UGT1A8: variants seen among roughly 807,000 people sequenced by gnomAD.
The protein encoded by UGT1A8 is UDP glucuronosyltransferase family 1 member A8.
A neutral mutation model predicts 45.3 loss-of-function variants in UGT1A8; 39 were observed. The ratio of observed to expected loss-of-function variants is 0.86; its 90% CI spans 0.67 to 1.12. The LOEUF is 1.12. Among genes scored for constraint, UGT1A8 ranks in the 50% most tolerant of loss-of-function variants. UGT1A8 has a pLI of 0.00. For synonymous variants in UGT1A8, 275 were observed against 249.2 expected, an observed-to-expected ratio of 1.10 and a Z score of -0.97; for missense variants, 719 against 664.9, an observed-to-expected ratio of 1.08 and a Z score of -0.90.
At chr2:233,634,267 GAGA>G (rs1559316761) in intron 1 of UGT1A8, among the ~76,000 whole-genome samples, 1 of 152,202 alleles carries the variant, frequency 6.6e-6, no homozygotes. Flanking sequence ...ATGTGGTGCT[GAGA>G]AGAATATATA....
chr2:233,627,903 T>C (rs1309876175), intron 1 of UGT1A8, among the ~76,000 whole-genome samples: 1 of 151,950 alleles, frequency 6.6e-6, no homozygotes, highest in Admixed American at 6.6e-5. Context: ...CCAAACATGA[T>C]GAAAAATACA....
chr2:233,722,721 T>C (rs2077032481), intron 1 of UGT1A8, among the ~76,000 whole-genome samples: 1 of 152,212 alleles, frequency 6.6e-6, no homozygotes, highest in African/African-American at 2.4e-5. Flanking sequence ...TATCAGTTTT[T>C]AAATTTCTCC....
At chr2:233,700,698 TTGAA>T (rs570833581) in intron 1 of UGT1A8, among the ~76,000 whole-genome samples, 4 of 152,222 alleles carry the variant, frequency 2.6e-5, no homozygotes, top group South Asian at 4.2e-4. Context: ...AAACTACACT[TTGAA>T]TGTTTTTTTC....
intron 1 of UGT1A8, among the ~76,000 whole-genome samples, chr2:233,641,582 GTACT>G (rs2073454006): frequency 6.6e-6 from 1 of 152,130 alleles, no homozygotes; most frequent in African/African-American, 2.4e-5. Flanking sequence ...GTATTTCTGT[GTACT>G]TACTATTACC....
At chr2:233,632,354 T>G (rs2073204558) in intron 1 of UGT1A8, among the ~76,000 whole-genome samples, 1 of 152,196 alleles carries the variant, frequency 6.6e-6, no homozygotes, top group South Asian at 2.1e-4. Context: ...TAAAGTAGTT[T>G]TTTCCTATTC....
intron 1 of UGT1A8, chr2:233,760,769 C>A: frequency 3.7e-6 from 6 of 1,614,028 alleles, no homozygotes; most frequent in Non-Finnish European, 5.1e-6. Flanking sequence ...CCCATCGTGG[C>A]CCAGTACCTG....
Position 233,617,695 on chromosome 2 carries a change from C to A in UGT1A8, c.-13C>A. ...TTAGAATCCCAGCTGCTGGCTCGGG[C>A]TGCAGTTCTCTCATGGCTCGCACAG... On this transcript the variant is annotated 5_prime_UTR_variant, in exon 1 of 5. In the 5' UTR this introduces an upstream ATG that the reference lacks. Transcript: ENST00000373450. 6.2e-7 allele frequency: 1 copy of A among 1,606,762 alleles called. No individual in the cohort carries two copies. The highest frequency in any genetic ancestry group is 1.3e-5 in the African/African-American group (1 of 74,894).
intron 1 of UGT1A8, among the ~76,000 whole-genome samples, chr2:233,675,316 A>G (rs1324274633): frequency 1.3e-5 from 2 of 152,172 alleles, no homozygotes; most frequent in Non-Finnish European, 2.9e-5. Context: ...GTGTGTGTTG[A>G]TTAATGATGT....
At chr2:233,642,729 C>A (rs965943066) in intron 1 of UGT1A8, among the ~76,000 whole-genome samples, 1 of 152,302 alleles carries the variant, frequency 6.6e-6, no homozygotes, top group East Asian at 1.9e-4. Flanking sequence ...CTTTAGGGGG[C>A]ACCCCAAGCC....
At chr2:233,730,562 ACACGAAGTT>A (rs963460994) in intron 1 of UGT1A8, among the ~76,000 whole-genome samples, 4 of 152,160 alleles carry the variant, frequency 2.6e-5, no homozygotes, top group Admixed American at 6.5e-5. Context: ...AGAGAATGAC[ACACGAAGTT>A]CAGTTTCCAG....
chr2:233,707,844 T>G lies in UGT1A8; in HGVS notation c.856-59190T>G, dbSNP rs544627573. Among the ~76,000 whole-genome samples, 5 of 152,318 alleles carry G rather than the reference T, an allele frequency of 3.3e-5. No individual in the cohort carries two copies. In the South Asian group the frequency reaches 6.2e-4, roughly 19 times the overall value. ...TCATTAATTTAATAAGATGTAACTA[T>G]TTTTCAGAGTGGTTGTACATATCCC... On this transcript the variant is annotated intron_variant, in intron 1 of 4. Transcript: ENST00000373450.
At chr2:233,693,140 G>C in intron 1 of UGT1A8, 1 of 1,614,230 alleles carries the variant, frequency 6.2e-7, no homozygotes, top group Non-Finnish European at 8.5e-7. Flanking sequence ...GAAGGATATA[G>C]TTGAGGTTCT....
chr2:233,692,987 A>T, intron 1 of UGT1A8: 1 of 1,613,680 alleles, frequency 6.2e-7, no homozygotes, highest in South Asian at 1.1e-5. Flanking sequence ...TACCGTTGTT[A>T]CTTTAACTCT....
chr2:233,691,246 A>C (rs1200256560), intron 1 of UGT1A8: 2 of 985,350 alleles, frequency 2.0e-6, no homozygotes, highest in Non-Finnish European at 2.4e-6. Context: ...ATCTAGATGA[A>C]CTCAAAGCAA....
chr2:233,742,808 G>A (rs1235624978), intron 1 of UGT1A8: 1 of 153,400 alleles, frequency 6.5e-6, no homozygotes, highest in Non-Finnish European at 1.4e-5. Flanking sequence ...CAGAAGTATT[G>A]ATATTATTTG....
intron 1 of UGT1A8, among the ~76,000 whole-genome samples, chr2:233,705,743 C>T (rs377625119): frequency 6.6e-6 from 1 of 152,104 alleles, no homozygotes; most frequent in East Asian, 1.9e-4. Flanking sequence ...GCAGGTAGGT[C>T]GGTAACAGAT....
At chr2:233,620,058 A>G (rs1344489690) in intron 1 of UGT1A8, among the ~76,000 whole-genome samples, 1 of 152,192 alleles carries the variant, frequency 6.6e-6, no homozygotes, top group African/African-American at 2.4e-5. Flanking sequence ...GATGGAGTAT[A>G]CATTTTTGTC....
chr2:233,636,753 C>A (rs997536356), intron 1 of UGT1A8: 1 of 1,614,208 alleles, frequency 6.2e-7, no homozygotes. Flanking sequence ...TGAAGACTTA[C>A]TCAACCTCGT....
chr2:233,695,064 C>T (rs576556742), intron 1 of UGT1A8, among the ~76,000 whole-genome samples: 11 of 152,176 alleles, frequency 7.2e-5, no homozygotes, highest in South Asian at 2.1e-4. Context: ...ACTGTGCTAT[C>T]GCACTTTGGA....
Sources: gnomAD v4.1 joint callset for allele counts (sites outside exome capture counted in the v4.1 genomes callset) on GRCh38, gnomAD v4.1.1 for gene constraint, MANE v1.5 for transcripts, NCBI Gene and HGNC (gene_info 2026-07-23, HGNC 2026-07-21) for gene names.